Variants in ANKRD36B observed in about 807,000 individuals in gnomAD.
The protein encoded by ANKRD36B is ankyrin repeat domain 36B.
ANKRD36B carries 37 observed loss-of-function variants against 135.7 expected under a neutral mutation model. That is an observed-to-expected ratio of 0.27 (90% CI 0.21 to 0.36). The LOEUF is 0.36. Among genes scored for constraint, ANKRD36B ranks in the 10% least tolerant of loss-of-function variants. The pLI, the probability that ANKRD36B is intolerant of heterozygous loss-of-function variation, is 1.00. For synonymous variants in ANKRD36B, 179 were observed against 348.1 expected (o/e 0.51, Z 5.41); for missense variants, 549 against 1,037.1 (o/e 0.53, Z 6.46).
chr2:97,576,254 A>C lies in ANKRD36B; in HGVS notation c.763+125T>G, dbSNP rs2082230957. 1.9e-4 allele frequency: 46 copies of C among 248,342 alleles called. No individual in the cohort carries two copies. In the South Asian group the frequency reaches 1.9e-3, roughly 11 times the overall value. 15.4% of individuals were successfully genotyped at this position (248,342 alleles called of 1,614,324 possible). On this transcript the variant is annotated intron_variant, in intron 6 of 43. Coordinates refer to ENST00000359901, the MANE Select transcript of ANKRD36B (RefSeq NM_001393939.1). Reference sequence around the variant, plus strand: ...AATAATTATAAAATCTAGACTACTAAGTATTTTTTAAATGTGTACAATTTA... The same window carrying C: ...AATAATTATAAAATCTAGACTACTACGTATTTTTTAAATGTGTACAATTTA...
At chr2:97,536,020 G>C (rs1445043179) in intron 34 of ANKRD36B, among the ~76,000 whole-genome samples, 1 of 93,626 alleles carries the variant, frequency 1.1e-5, no homozygotes, top group African/African-American at 3.2e-5. Flanking sequence ...AGCTACAATT[G>C]AGCCATTGCA....
At position 97,526,898 on chromosome 2, in the gene ANKRD36B, A is replaced by G. The variant is rs185756692; in HGVS notation, c.2266-3431T>C. Among the ~76,000 whole-genome samples, 3 of 96,636 alleles carry G rather than the reference A, an allele frequency of 3.1e-5. 1 individual carries two copies. Among genetic ancestry groups the G allele is most frequent in the African/African-American group, 9.3e-5 (3 of 32,196 alleles). The allele number at this position is 96,636 out of a possible 152,430, so 63.4% of individuals were successfully genotyped here. ...GAACAAAGTCTCCAAAAAATATGGG[A>G]CTATGTGAAAAGACCAAATCTACAT... is the stretch of plus-strand genomic sequence containing the variant. On this transcript the variant is annotated intron_variant, in intron 35 of 43. Coordinates refer to ENST00000359901, the MANE Select transcript of ANKRD36B (RefSeq NM_001393939.1).
rs2079109296 is a variant in ANKRD36B, at chr2:97,540,697, A to G, written c.1886-468T>C. On this transcript the variant is annotated intron_variant, in intron 28 of 43. Transcript: ENST00000359901. ...ATAACAGAGAAGGTACACAATTACA[A>G]TGACACTTCAGTTGAATGTACACTT... Among the ~76,000 whole-genome samples, 2 of 96,294 alleles carry G rather than the reference A, an allele frequency of 2.1e-5. 1 individual carries two copies. Among genetic ancestry groups the G allele is most frequent in the South Asian group, 4.7e-4 (2 of 4,240 alleles). 63.2% of individuals were successfully genotyped at this position (96,294 alleles called of 152,430 possible).
At chr2:97,569,707 T>A (rs937783673) in intron 6 of ANKRD36B, among the ~76,000 whole-genome samples, 9 of 152,164 alleles carry the variant, frequency 5.9e-5, no homozygotes, top group African/African-American at 2.2e-4. Context: ...CTGAGAATAT[T>A]AAACTGCTCT....
chr2:97,533,192 T>C (rs568123548), intron 34 of ANKRD36B, among the ~76,000 whole-genome samples: 1 of 97,506 alleles, frequency 1.0e-5, no homozygotes, highest in African/African-American at 3.1e-5. Flanking sequence ...CAGACAGCTA[T>C]GTGAAGTCTT....
At chr2:97,543,108 G>C (rs1322963099) in intron 26 of ANKRD36B, among the ~76,000 whole-genome samples, 2 of 152,148 alleles carry the variant, frequency 1.3e-5, no homozygotes, top group African/African-American at 4.8e-5. Flanking sequence ...GTGTAAGTCT[G>C]ATACCTAACA....
In ANKRD36B at chr2:97,541,126, A is replaced by C. The variant is rs1157262080; in HGVS notation, c.1885+785T>G. Among the ~76,000 whole-genome samples the C allele has an allele frequency of 4.1e-5, 4 of 96,610 alleles. 1 individual carries two copies. The highest frequency in any genetic ancestry group is 3.7e-4 in the Admixed American group (4 of 10,824). 63.4% of individuals were successfully genotyped at this position (96,610 alleles called of 152,430 possible). On this transcript the variant is annotated intron_variant, in intron 28 of 43. Transcript: ENST00000359901. ...CTATTCTCTAAAGAAGTTTCATCCAATAGCTATTTTACCCAAGAGTTAGCT... is the reference window on the plus strand; with the variant it reads ...CTATTCTCTAAAGAAGTTTCATCCACTAGCTATTTTACCCAAGAGTTAGCT...
chr2:97,544,469 G>A lies in ANKRD36B; in HGVS notation c.1682-484C>T, dbSNP rs1404935887. Among the ~76,000 whole-genome samples, 5 of 94,840 alleles carry A rather than the reference G, an allele frequency of 5.3e-5. 2 individuals are homozygous for A. The highest frequency in any genetic ancestry group is 9.4e-5 in the African/African-American group (3 of 31,822). 62.2% of individuals were successfully genotyped at this position (94,840 alleles called of 152,430 possible). A position where few individuals can be genotyped will look rare whatever the true frequency, so the allele number is the denominator to read the frequency against. ...AATTACAATGACACTTCAGTTGAACGTACACTTCACGTCTCTTCAGTGGAA... is the reference window on the plus strand; with the variant it reads ...AATTACAATGACACTTCAGTTGAACATACACTTCACGTCTCTTCAGTGGAA... On this transcript the variant is annotated intron_variant, in intron 24 of 43. Transcript: ENST00000359901.
intron 16 of ANKRD36B, among the ~76,000 whole-genome samples, chr2:97,551,966 G>A (rs1255546187): frequency 6.6e-6 from 1 of 152,046 alleles, no homozygotes; most frequent in Admixed American, 6.6e-5. Context: ...TCAGTTGAAC[G>A]TACACTTCAC....
rs1256288545 is a variant in ANKRD36B, at chr2:97,534,246, G to C, written c.2192-1862C>G. 5.3e-5 allele frequency among the ~76,000 whole-genome samples: 5 copies of C among 94,498 alleles called. 2 individuals are homozygous for C. The highest frequency in any genetic ancestry group is 1.6e-4 in the African/African-American group (5 of 31,606). 62.0% of individuals were successfully genotyped at this position (94,498 alleles called of 152,430 possible). ...TTTGTTTCTAAAATTAGTTCGATTT[G>C]ATATACCATGCTAATCTCTAAGGCA... On this transcript the variant is annotated intron_variant, in intron 34 of 43. Transcript: ENST00000359901.
At position 97,533,651 on chromosome 2, in the gene ANKRD36B, T is replaced by C. The variant is rs1482228849; in HGVS notation, c.2192-1267A>G. Among the ~76,000 whole-genome samples the C allele has an allele frequency of 6.3e-5, 6 of 95,546 alleles. 2 individuals carry two copies. In the East Asian group the frequency reaches 1.4e-3, roughly 22 times the overall value. 62.7% of individuals were successfully genotyped at this position (95,546 alleles called of 152,430 possible). On this transcript the variant is annotated intron_variant, in intron 34 of 43. Transcript: ENST00000359901. ...TAAAAATTAATAAAACTATTCATTT[T>C]TTTCATTCCTAGGTAGGCTACTGCT...
chr2:97,560,766 A>T, intron 7 of ANKRD36B, 29 bp from the exon 8 acceptor site: 1 of 1,596,100 alleles, frequency 6.3e-7, no homozygotes, highest in African/African-American at 1.3e-5. Context: ...AAAATAATCA[A>T]TATGTAAAGT....
intron 22 of ANKRD36B, among the ~76,000 whole-genome samples, chr2:97,546,672 GAGTT>G (rs1347846310): frequency 5.9e-5 from 9 of 151,642 alleles, no homozygotes; most frequent in African/African-American, 9.7e-5. Context: ...ATAATTTTAG[GAGTT>G]AGTTAGAATT....
At chr2:97,552,949 A>G (rs1023974567) in intron 16 of ANKRD36B, among the ~76,000 whole-genome samples, 2 of 151,854 alleles carry the variant, frequency 1.3e-5, no homozygotes, top group Admixed American at 1.3e-4. Flanking sequence ...CCCAATTTCA[A>G]TGTGGGGAAG....
At chr2:97,563,747 A>G (rs1220024810) in intron 6 of ANKRD36B, among the ~76,000 whole-genome samples, 2 of 152,178 alleles carry the variant, frequency 1.3e-5, no homozygotes, top group Non-Finnish European at 2.9e-5. Flanking sequence ...GTTGCAATCA[A>G]CATAGCCATG....
At chr2:97,546,902 G>T (rs1410214260) in intron 22 of ANKRD36B, among the ~76,000 whole-genome samples, 4 of 151,564 alleles carry the variant, frequency 2.6e-5, no homozygotes, top group Admixed American at 6.6e-5. Context: ...AGTCAGTGTG[G>T]TGTATTCCAA....
At chr2:97,578,237 TA>T (rs748309720) in intron 5 of ANKRD36B, among the ~76,000 whole-genome samples, 1 of 151,802 alleles carries the variant, frequency 6.6e-6, no homozygotes, top group Non-Finnish European at 1.5e-5. Context: ...GCAACTGAAC[TA>T]AAAAAAACAG....
chr2:97,581,858 A>G (rs183025662), intron 3 of ANKRD36B, among the ~76,000 whole-genome samples: 12 of 152,208 alleles, frequency 7.9e-5, no homozygotes, highest in Admixed American at 4.6e-4. Flanking sequence ...GCTGGAGTGC[A>G]GTGGTGCCAT....
At chr2:97,553,761 T>C (rs943055953) in intron 14 of ANKRD36B, among the ~76,000 whole-genome samples, 12 of 151,898 alleles carry the variant, frequency 7.9e-5, no homozygotes, top group Non-Finnish European at 1.2e-4. Context: ...GATATCCAAA[T>C]GATTTACACC....
Sources: gnomAD v4.1 joint callset for allele counts (sites outside exome capture counted in the v4.1 genomes callset) on GRCh38, gnomAD v4.1.1 for gene constraint, MANE v1.5 for transcripts, NCBI Gene and HGNC (gene_info 2026-07-23, HGNC 2026-07-21) for gene names.